The following SHISA9 variants were observed in gnomAD, a reference collection of about 807,000 sequenced individuals.
SHISA9 encodes the protein shisa family member 9.
A neutral mutation model predicts 38.0 loss-of-function variants in SHISA9; 13 were observed. The observed-to-expected ratio is 0.34, with a 90% CI of 0.22 to 0.54. The LOEUF (loss-of-function observed/expected upper bound fraction) is 0.54. Among genes scored for constraint, SHISA9 ranks in the 20% least tolerant of loss-of-function variants. The pLI is 0.91. For missense variants in SHISA9, 538 were observed against 575.8 expected (o/e 0.93, Z 0.67); for synonymous variants, 275 against 242.0 (o/e 1.14, Z -1.27).
the SHISA9 span, among the ~76,000 whole-genome samples, chr16:13,454,039 G>A: frequency 6.6e-6 from 1 of 152,158 alleles, no homozygotes; most frequent in Admixed American, 6.6e-5. Context: ...AAGAGTACCA[G>A]TGAGAGGTAA....
chr16:13,443,302 G>C, the SHISA9 span, among the ~76,000 whole-genome samples: 1 of 152,182 alleles, frequency 6.6e-6, no homozygotes. Context: ...TTCTAGGAGA[G>C]GAGGTTTGGG....
At chr16:13,193,080 G>T in intron 2 of SHISA9, among the ~76,000 whole-genome samples, 1 of 152,224 alleles carries the variant, frequency 6.6e-6, no homozygotes, top group East Asian at 1.9e-4. Context: ...GGAAGTTTCT[G>T]TCCACAGAGG....
intron 2 of SHISA9, among the ~76,000 whole-genome samples, chr16:13,046,458 G>C (rs981383206): frequency 3.2e-4 from 48 of 152,158 alleles, no homozygotes; most frequent in African/African-American, 1.1e-3. Context: ...TTATGGCTTT[G>C]TAGCATTAGT....
intron 2 of SHISA9, among the ~76,000 whole-genome samples, chr16:13,144,017 T>C (rs1244316777): frequency 1.3e-5 from 2 of 152,176 alleles, no homozygotes; most frequent in Non-Finnish European, 2.9e-5. Flanking sequence ...TAGGGTACCA[T>C]ATGTTTGGGA....
Position 13,235,552 on chromosome 16 carries a change from GAC to G in SHISA9, c.*147_*148del. ...AAGAACCAACTCTAAACCTACTGGG[GAC>G]ACAGAGTCGCGCTTTTCCTAGGTCA... is the stretch of plus-strand genomic sequence containing the variant. On this transcript the variant is annotated 3_prime_UTR_variant, in exon 5 of 5. Coordinates refer to ENST00000558583, the MANE Select transcript of SHISA9 (RefSeq NM_001145204.3). 9.1e-7 allele frequency: 1 copy of G among 1,094,058 alleles called. No individual in the cohort carries two copies. Among genetic ancestry groups the G allele is most frequent in the East Asian group, 2.6e-5 (1 of 38,218 alleles). 67.8% of individuals were successfully genotyped at this position (1,094,058 alleles called of 1,614,324 possible). A position where few individuals can be genotyped will look rare whatever the true frequency, so the allele number is the denominator to read the frequency against.
the SHISA9 span, among the ~76,000 whole-genome samples, chr16:13,334,571 G>A: frequency 4.6e-5 from 7 of 152,060 alleles, no homozygotes; most frequent in Admixed American, 2.0e-4. Context: ...TCAGGAGATC[G>A]AGGCCATCCT....
intron 2 of SHISA9, among the ~76,000 whole-genome samples, chr16:13,108,666 G>A (rs75559924): frequency 1.3e-5 from 2 of 152,096 alleles, no homozygotes; most frequent in Non-Finnish European, 2.9e-5. Context: ...TAATACTAGA[G>A]GGAAAAAAAT....
rs148088145 is a variant in SHISA9 at position 13,200,409 on chromosome 16, A to AACACACACACACACACACAC, written c.692-2971_692-2952dup. On this transcript the variant is annotated intron_variant, in intron 2 of 4. Coordinates refer to ENST00000558583, the MANE Select transcript of SHISA9 (RefSeq NM_001145204.3). Reference sequence around the variant, plus strand: ...CTATCCACCAAAAAATATATCATGAAACACACACACACACACACACACACA... The same window carrying AACACACACACACACACACAC: ...CTATCCACCAAAAAATATATCATGAAACACACACACACACACACACACACACACACACACACACACACACA... Among the ~76,000 whole-genome samples the AACACACACACACACACACAC allele has an allele frequency of 6.1e-3, 835 of 136,510 alleles. 8 individuals are homozygous for AACACACACACACACACACAC. The highest frequency in any genetic ancestry group is 0.022 in the African/African-American group (739 of 33,682). 89.6% of individuals were successfully genotyped at this position (136,510 alleles called of 152,430 possible). A position where few individuals can be genotyped will look rare whatever the true frequency, so the allele number is the denominator to read the frequency against.
chr16:12,908,167 A>AT (rs1051627366), intron 1 of SHISA9, among the ~76,000 whole-genome samples: 3 of 150,786 alleles, frequency 2.0e-5, no homozygotes, highest in Admixed American at 6.6e-5. Context: ...TATTATTGAC[A>AT]TTTTTTACCT....
rs552718258 is a variant in SHISA9, at chr16:12,997,085, G to A, written c.691+80270G>A. 2.5e-3 allele frequency among the ~76,000 whole-genome samples: 381 copies of A among 152,190 alleles called. 1 individual carries two copies. The highest frequency in any genetic ancestry group is 8.5e-3 in the African/African-American group (354 of 41,550). On this transcript the variant is annotated intron_variant, in intron 2 of 4. Transcript: ENST00000558583. ...CCTGCAACCAACTCCTCTATCAAGA[G>A]GAAGAGCATTTTCATCACCCCCCAA...
chr16:13,042,770 G>A (rs2073146314), intron 2 of SHISA9, among the ~76,000 whole-genome samples: 1 of 152,136 alleles, frequency 6.6e-6, no homozygotes, highest in Admixed American at 6.5e-5. Context: ...TCTATCACTG[G>A]CAAAAACTAT....
In SHISA9 at chr16:13,238,845, A is replaced by ATTG. The variant is rs1044776620; in HGVS notation, c.*3438_*3439insGTT. The ATTG allele has an allele frequency of 6.9e-6, 1 of 145,644 alleles. No individual in the cohort carries two copies. The highest frequency in any genetic ancestry group is 2.0e-4 in the East Asian group (1 of 5,038). 9.0% of individuals were successfully genotyped at this position (145,644 alleles called of 1,614,324 possible). On this transcript the variant is annotated 3_prime_UTR_variant, in exon 5 of 5. Transcript: ENST00000558583. ...TATTATTATTATTATTATTATTATT[A>ATTG]TTATTATACTTTAAGTTTTAGGGTA... is the stretch of plus-strand genomic sequence containing the variant.
the SHISA9 span, among the ~76,000 whole-genome samples, chr16:13,518,245 C>G: frequency 0.056 from 8,470 of 152,106 alleles, 529 homozygotes; most frequent in African/African-American, 0.15. Context: ...CTCAGCTAAC[C>G]TCCAAATGCT....
chr16:13,250,372 A>G, the SHISA9 span, among the ~76,000 whole-genome samples: 4 of 152,172 alleles, frequency 2.6e-5, no homozygotes, highest in African/African-American at 9.7e-5. Flanking sequence ...GATTAATTGC[A>G]TTGGGGGGAG....
chr16:12,910,954 C>A, intron 1 of SHISA9: 1 of 167,124 alleles, frequency 6.0e-6, no homozygotes, highest in Non-Finnish European at 1.2e-5. Context: ...TGTCTTACTG[C>A]CATTAGAATG....
At chr16:13,312,162 G>T in the SHISA9 span, among the ~76,000 whole-genome samples, 1 of 152,118 alleles carries the variant, frequency 6.6e-6, no homozygotes, top group Non-Finnish European at 1.5e-5. Context: ...AGGCTTTATG[G>T]GTCCTGTGGT....
At chr16:12,996,859 G>C (rs960102407) in intron 2 of SHISA9, among the ~76,000 whole-genome samples, 1 of 152,126 alleles carries the variant, frequency 6.6e-6, no homozygotes, top group Non-Finnish European at 1.5e-5. Context: ...ATTCGAAAAA[G>C]ATGGATGCCA....
chr16:13,554,645 C>A, the SHISA9 span, among the ~76,000 whole-genome samples: 1 of 152,018 alleles, frequency 6.6e-6, no homozygotes, highest in African/African-American at 2.4e-5. Flanking sequence ...GCATGTGCCA[C>A]CACACCTAGC....
intron 2 of SHISA9, among the ~76,000 whole-genome samples, chr16:13,184,393 C>T (rs886547748): frequency 3.1e-4 from 47 of 152,274 alleles, no homozygotes; most frequent in African/African-American, 1.1e-3. Flanking sequence ...GAGCTCTCAC[C>T]GTTTCTGGAA....
Sources: allele counts gnomAD v4.1 joint callset (sites outside exome capture counted in the v4.1 genomes callset), GRCh38; gene constraint gnomAD v4.1.1; transcripts MANE v1.5; gene names NCBI Gene and HGNC (gene_info 2026-07-23, HGNC 2026-07-21).